Variants in PRKG2 observed in about 807,000 individuals in gnomAD.
PRKG2 encodes the protein protein kinase cGMP-dependent 2, also known as cGMP-dependent protein kinase 2.
Under a neutral mutation model 97.2 loss-of-function variants are expected in PRKG2, and 33 were observed. The observed-to-expected ratio is 0.34, with a 90% CI of 0.26 to 0.45. The LOEUF is 0.45. PRKG2 is among the 20% of genes least tolerant of loss of function. The pLI, the probability that PRKG2 is intolerant of heterozygous loss-of-function variation, is 1.00. For synonymous variants in PRKG2, 330 were observed against 321.8 expected, an observed-to-expected ratio of 1.03 and a Z score of -0.27; for missense variants, 638 against 900.0, an observed-to-expected ratio of 0.71 and a Z score of 3.73.
At chr4:81,131,499 TAGG>T (rs1290545378) in intron 14 of PRKG2, among the ~76,000 whole-genome samples, 5 of 152,356 alleles carry the variant, frequency 3.3e-5, no homozygotes, top group Non-Finnish European at 7.3e-5. Flanking sequence ...TAGTGATTTG[TAGG>T]AGTTCTTTAC....
intron 14 of PRKG2, among the ~76,000 whole-genome samples, chr4:81,122,349 T>C (rs186592353): frequency 2.6e-5 from 4 of 152,282 alleles, no homozygotes; most frequent in Non-Finnish European, 5.9e-5. Flanking sequence ...AGGAAAGATA[T>C]AATGATGTGA....
At chr4:81,167,269 C>A (rs576165417) in intron 5 of PRKG2, 45 bp from the exon 6 acceptor site, 25 of 1,267,810 alleles carry the variant, frequency 2.0e-5, no homozygotes, top group Middle Eastern at 4.0e-4. Flanking sequence ...CTGAATTAAA[C>A]TATAAATATA....
At chr4:81,174,706 A>T in intron 3 of PRKG2, 87 bp downstream of exon 3, 1 of 1,331,098 alleles carries the variant, frequency 7.5e-7, no homozygotes, top group South Asian at 1.5e-5. Flanking sequence ...AAATAGAGCA[A>T]CCAGTTTTAT....
chr4:81,171,608 G>C, intron 4 of PRKG2, 83 bp downstream of exon 4: 1 of 1,004,736 alleles, frequency 1.0e-6, no homozygotes, highest in East Asian at 2.6e-5. Context: ...ACAGACTGTG[G>C]ATCAGGGTGC....
chr4:81,181,233 A>G (rs1751382534), intron 2 of PRKG2, among the ~76,000 whole-genome samples: 1 of 152,172 alleles, frequency 6.6e-6, no homozygotes, highest in African/African-American at 2.4e-5. Context: ...GAAATTAATA[A>G]CAGAAAAATC....
intron 6 of PRKG2, among the ~76,000 whole-genome samples, chr4:81,166,604 A>G (rs1444091375): frequency 6.6e-6 from 1 of 152,126 alleles, no homozygotes; most frequent in African/African-American, 2.4e-5. Context: ...GCCTAAAATG[A>G]GTTTTTGAAC....
At chr4:81,210,471 T>C (rs751148916) in intron 1 of PRKG2, among the ~76,000 whole-genome samples, 6 of 152,138 alleles carry the variant, frequency 3.9e-5, no homozygotes, top group Non-Finnish European at 8.8e-5. Flanking sequence ...CATAGGTCAT[T>C]AGGGAATCTC....
rs1578313421 is a variant in PRKG2 at position 81,088,235 on chromosome 4, T to C, written c.*1473A>G. ...ACCTTTCTGGATTGGGCTTCACTTA[T>C]CTAGCTTAACTCATTAAGGAAGCAT... On this transcript the variant is annotated 3_prime_UTR_variant, in exon 19 of 19. Transcript: ENST00000264399. The C allele has an allele frequency of 6.6e-6, 1 of 152,172 alleles. No homozygotes were observed. The highest frequency in any genetic ancestry group is 2.1e-4 in the South Asian group (1 of 4,836). 9.4% of individuals were successfully genotyped at this position (152,172 alleles called of 1,614,324 possible). A position where few individuals can be genotyped will look rare whatever the true frequency, so the allele number is the denominator to read the frequency against.
intron 1 of PRKG2, among the ~76,000 whole-genome samples, chr4:81,211,094 T>G (rs1333227492): frequency 6.6e-6 from 1 of 152,130 alleles, no homozygotes; most frequent in Non-Finnish European, 1.5e-5. Context: ...AGTAAAACTA[T>G]TCAATATGAT....
At chr4:81,096,351 C>A (rs1376183307) in intron 17 of PRKG2, among the ~76,000 whole-genome samples, 2 of 151,818 alleles carry the variant, frequency 1.3e-5, no homozygotes, top group Non-Finnish European at 1.5e-5. Context: ...GGTAACATGG[C>A]AAGACACCCA....
At chr4:81,213,233 T>C (rs1328625030) in intron 1 of PRKG2, among the ~76,000 whole-genome samples, 1 of 152,144 alleles carries the variant, frequency 6.6e-6, no homozygotes, top group Non-Finnish European at 1.5e-5. Context: ...CATAGAAGAC[T>C]TGAAGTACCA....
At chr4:81,158,761 T>C (rs10027298) in intron 6 of PRKG2, among the ~76,000 whole-genome samples, 5,185 of 152,086 alleles carry the variant, frequency 0.034, 311 homozygotes, top group African/African-American at 0.12. Flanking sequence ...TATAGATCAA[T>C]GGAACAGAAT....
intron 18 of PRKG2, among the ~76,000 whole-genome samples, chr4:81,090,321 G>A (rs1741413672): frequency 6.6e-6 from 1 of 151,762 alleles, no homozygotes; most frequent in Non-Finnish European, 1.5e-5. Flanking sequence ...TCACACCACT[G>A]CACTCCAGCC....
At chr4:81,208,228 T>C (rs972087782) in intron 1 of PRKG2, among the ~76,000 whole-genome samples, 2 of 152,332 alleles carry the variant, frequency 1.3e-5, no homozygotes, top group Admixed American at 1.3e-4. Context: ...GTAGGGTTAC[T>C]ATGATTATTA....
intron 17 of PRKG2, among the ~76,000 whole-genome samples, chr4:81,098,160 G>A (rs1742315016): frequency 6.6e-6 from 1 of 152,090 alleles, no homozygotes; most frequent in Non-Finnish European, 1.5e-5. Flanking sequence ...GCAGAAAAAT[G>A]TGAAAAGAGA....
At chr4:81,147,624 T>C (rs1246939535) in intron 9 of PRKG2, among the ~76,000 whole-genome samples, 1 of 152,134 alleles carries the variant, frequency 6.6e-6, no homozygotes, top group Non-Finnish European at 1.5e-5. Flanking sequence ...TTTGAACACA[T>C]GCTTGGGAGC....
At chr4:81,151,187 A>G (rs1339202483) in intron 8 of PRKG2, among the ~76,000 whole-genome samples, 1 of 152,154 alleles carries the variant, frequency 6.6e-6, no homozygotes, top group Non-Finnish European at 1.5e-5. Flanking sequence ...CAGTTGAAAC[A>G]AATGCATTTA....
At chr4:81,093,030 A>G (rs1295675280) in intron 17 of PRKG2, among the ~76,000 whole-genome samples, 2 of 152,028 alleles carry the variant, frequency 1.3e-5, no homozygotes, top group East Asian at 3.9e-4. Flanking sequence ...CACCTTTTCC[A>G]TCTTACTCAG....
intron 7 of PRKG2, 102 bp downstream of exon 7, chr4:81,153,542 C>A: frequency 1.1e-6 from 1 of 890,614 alleles, no homozygotes; most frequent in Admixed American, 2.2e-5. Flanking sequence ...CTTTATCTGT[C>A]CAAAGTGGAG....
Sources: allele counts gnomAD v4.1 joint callset (sites outside exome capture counted in the v4.1 genomes callset), GRCh38; gene constraint gnomAD v4.1.1; transcripts MANE v1.5; gene names NCBI Gene and HGNC (gene_info 2026-07-23, HGNC 2026-07-21).